Variants in ZNF804B observed in about 807,000 individuals in gnomAD.
The protein encoded by ZNF804B is zinc finger protein 804B.
ZNF804B carries 80 observed loss-of-function variants against 101.4 expected under a neutral mutation model. That is an observed-to-expected ratio of 0.79 (90% confidence interval 0.66 to 0.95). The LOEUF (loss-of-function observed/expected upper bound fraction) is 0.95, where lower values mean the gene tolerates loss of function less well. Among genes scored for constraint, ZNF804B ranks in the 40% least tolerant of loss-of-function variants. The pLI is 0.00. For synonymous variants in ZNF804B, 622 were observed against 558.8 expected (o/e 1.11, Z -1.59); for missense variants, 1,673 against 1,561.9 (o/e 1.07, Z -1.20).
intron 2 of ZNF804B, among the ~76,000 whole-genome samples, chr7:89,242,109 C>T (rs1007380383): frequency 7.2e-5 from 11 of 151,882 alleles, no homozygotes; most frequent in Non-Finnish European, 1.5e-4. Flanking sequence ...ATCTCCTGAA[C>T]TGTTAACTTA....
At chr7:88,955,734 C>T (rs765624699) in intron 1 of ZNF804B, among the ~76,000 whole-genome samples, 1 of 151,354 alleles carries the variant, frequency 6.6e-6, no homozygotes, top group Non-Finnish European at 1.5e-5. Context: ...ACAGCATAAA[C>T]AAAAATAGAC....
At chr7:88,965,279 G>T (rs936408521) in intron 1 of ZNF804B, among the ~76,000 whole-genome samples, 1 of 151,352 alleles carries the variant, frequency 6.6e-6, no homozygotes, top group African/African-American at 2.4e-5. Flanking sequence ...CTTGCAGAGA[G>T]AATAGGTTAA....
chr7:88,786,165 T>C (rs1476250798), intron 1 of ZNF804B, among the ~76,000 whole-genome samples: 2 of 152,084 alleles, frequency 1.3e-5, no homozygotes, highest in Admixed American at 1.3e-4. Flanking sequence ...TGTCATATAC[T>C]CCCAGTACCA....
At chr7:88,824,339 A>C (rs1354506383) in intron 1 of ZNF804B, among the ~76,000 whole-genome samples, 1 of 152,126 alleles carries the variant, frequency 6.6e-6, no homozygotes, top group Non-Finnish European at 1.5e-5. Context: ...ATGGTTACAT[A>C]AGAGGCATTT....
chr7:89,190,191 C>T (rs377621993), intron 1 of ZNF804B, among the ~76,000 whole-genome samples: 4 of 151,656 alleles, frequency 2.6e-5, no homozygotes, highest in East Asian at 1.9e-4. Context: ...AAAAATTAGC[C>T]GGGCATAGTG....
At chr7:88,947,668 T>C (rs1197124547) in intron 1 of ZNF804B, among the ~76,000 whole-genome samples, 7 of 151,518 alleles carry the variant, frequency 4.6e-5, no homozygotes, top group Non-Finnish European at 8.8e-5. Flanking sequence ...TTAAAGTATA[T>C]ATAAAAAAGA....
chr7:89,006,884 G>A (rs771410313), intron 1 of ZNF804B, among the ~76,000 whole-genome samples: 4 of 152,076 alleles, frequency 2.6e-5, no homozygotes, highest in Non-Finnish European at 5.9e-5. Context: ...AGGCCATTGA[G>A]CACTTCTTTG....
intron 1 of ZNF804B, among the ~76,000 whole-genome samples, chr7:89,154,771 A>G (rs1170477060): frequency 6.6e-6 from 1 of 152,120 alleles, no homozygotes; most frequent in African/African-American, 2.4e-5. Flanking sequence ...TACCAAACAA[A>G]TAGTAAGAGA....
chr7:89,209,762 T>G (rs1227017643), intron 1 of ZNF804B, among the ~76,000 whole-genome samples: 1 of 152,204 alleles, frequency 6.6e-6, no homozygotes, highest in Non-Finnish European at 1.5e-5. Context: ...TTATTATTAT[T>G]AATTTCACTT....
chr7:89,021,803 C>T (rs971868658), intron 1 of ZNF804B, among the ~76,000 whole-genome samples: 1 of 152,144 alleles, frequency 6.6e-6, no homozygotes, highest in African/African-American at 2.4e-5. Context: ...TACTGGCTCC[C>T]AGAGCATAGT....
At chr7:89,018,502 T>C (rs189321287) in intron 1 of ZNF804B, among the ~76,000 whole-genome samples, 1 of 152,170 alleles carries the variant, frequency 6.6e-6, no homozygotes, top group East Asian at 1.9e-4. Flanking sequence ...TATGTCCTTA[T>C]TGGATTTTGG....
At chr7:89,089,099 A>T (rs1177164782) in intron 1 of ZNF804B, among the ~76,000 whole-genome samples, 2 of 144,660 alleles carry the variant, frequency 1.4e-5, no homozygotes, top group Admixed American at 1.4e-4. Flanking sequence ...GAGCTAAAGT[A>T]TAGCATACTA....
At chr7:89,283,171 G>A (rs1230333782) in intron 2 of ZNF804B, among the ~76,000 whole-genome samples, 1 of 151,998 alleles carries the variant, frequency 6.6e-6, no homozygotes, top group Non-Finnish European at 1.5e-5. Context: ...GGTCCTGAAA[G>A]TAATCCCAAT....
At chr7:88,940,806 A>G (rs1182587742) in intron 1 of ZNF804B, among the ~76,000 whole-genome samples, 3 of 144,688 alleles carry the variant, frequency 2.1e-5, no homozygotes, top group African/African-American at 7.8e-5. Context: ...AATAATAATA[A>G]TAGAATGTAT....
chr7:88,849,763 G>C (rs1054685914), intron 1 of ZNF804B, among the ~76,000 whole-genome samples: 3 of 150,744 alleles, frequency 2.0e-5, no homozygotes, highest in Non-Finnish European at 4.4e-5. Flanking sequence ...AGTGTTTATA[G>C]ATGGACATTT....
chr7:88,856,879 C>T (rs951218216), intron 1 of ZNF804B, among the ~76,000 whole-genome samples: 24 of 152,070 alleles, frequency 1.6e-4, no homozygotes, highest in Non-Finnish European at 2.5e-4. Flanking sequence ...TGTTTTTTGT[C>T]GTTGGTTCTG....
At chr7:88,961,169 A>G (rs1438585506) in intron 1 of ZNF804B, among the ~76,000 whole-genome samples, 1 of 151,524 alleles carries the variant, frequency 6.6e-6, no homozygotes, top group African/African-American at 2.4e-5. Flanking sequence ...TTGAAATTGA[A>G]CACATCTATT....
At chr7:89,048,424 A>T (rs139731712) in intron 1 of ZNF804B, among the ~76,000 whole-genome samples, 1 of 152,006 alleles carries the variant, frequency 6.6e-6, no homozygotes, top group African/African-American at 2.4e-5. Context: ...AGGGGTCTGT[A>T]ACCTCCTATC....
chr7:89,326,035 C>T (rs373027576), intron 2 of ZNF804B, among the ~76,000 whole-genome samples: 49 of 152,102 alleles, frequency 3.2e-4, no homozygotes, highest in East Asian at 1.9e-3. Flanking sequence ...AGGCTATCCA[C>T]GCTTTAATGC....
Sources: gnomAD v4.1 joint callset for allele counts (sites outside exome capture counted in the v4.1 genomes callset) on GRCh38, gnomAD v4.1.1 for gene constraint, MANE v1.5 for transcripts, NCBI Gene and HGNC (gene_info 2026-07-23, HGNC 2026-07-21) for gene names.